Variants in SH3PXD2B observed in about 807,000 individuals in gnomAD.
SH3PXD2B encodes the protein SH3 and PX domains 2B.
In SH3PXD2B, 37 loss-of-function variants were observed where a neutral mutation model predicts 73.1. The observed-to-expected ratio is 0.51, with a 90% confidence interval of 0.39 to 0.67. The LOEUF (loss-of-function observed/expected upper bound fraction) is 0.67. Among genes scored for constraint, SH3PXD2B ranks in the 30% least tolerant of loss-of-function variants. SH3PXD2B has a pLI of 0.00. For missense variants in SH3PXD2B, 1,053 were observed against 1,197.8 expected (o/e 0.88, Z 1.78); for synonymous variants, 457 against 480.5 (o/e 0.95, Z 0.64).
downstream of SH3PXD2B, among the ~76,000 whole-genome samples, chr5:172,328,935 C>T (rs73805014): frequency 5.5e-4 from 83 of 151,544 alleles, no homozygotes; most frequent in African/African-American, 1.7e-3. Flanking sequence ...GAGTTTCCCA[C>T]GTAACAATAT....
intron 1 of SH3PXD2B, among the ~76,000 whole-genome samples, chr5:172,444,033 G>A (rs1759606679): frequency 6.6e-6 from 1 of 152,172 alleles, no homozygotes; most frequent in Non-Finnish European, 1.5e-5. Flanking sequence ...GTTTTTGCCT[G>A]TCCAAGCTCC....
chr5:172,403,280 A>G (rs1297833880), intron 3 of SH3PXD2B, among the ~76,000 whole-genome samples: 2 of 152,134 alleles, frequency 1.3e-5, no homozygotes, highest in African/African-American at 4.8e-5. Context: ...GGGATGGAAA[A>G]CTGTGCAGGC....
intron 2 of SH3PXD2B, among the ~76,000 whole-genome samples, chr5:172,411,322 C>T (rs535671529): frequency 6.6e-6 from 1 of 152,256 alleles, no homozygotes; most frequent in Admixed American, 6.5e-5. Context: ...TGAGTCCCTG[C>T]CACTGCTGTG....
At position 172,333,532 on chromosome 5, in the gene SH3PXD2B, T is replaced by A. The variant is rs1756610261; in HGVS notation, c.*4837A>T. On this transcript the variant is annotated 3_prime_UTR_variant, in exon 13 of 13. Coordinates refer to ENST00000311601, the MANE Select transcript of SH3PXD2B (RefSeq NM_001017995.3). ...GAAGCTTGAAACCAGTCAAGCACTT[T>A]TTTTATTTAAAAAAAAAAAAAGGAA... The A allele has an allele frequency of 7.1e-6, 8 of 1,131,114 alleles. No homozygotes were observed. Among genetic ancestry groups the A allele is most frequent in the Non-Finnish European group, 7.6e-6 (7 of 921,536 alleles). The allele number at this position is 1,131,114 out of a possible 1,614,324, so 70.1% of individuals were successfully genotyped here.
At chr5:172,427,104 T>A (rs1052175396) in intron 1 of SH3PXD2B, among the ~76,000 whole-genome samples, 14 of 152,182 alleles carry the variant, frequency 9.2e-5, no homozygotes, top group African/African-American at 3.4e-4. Flanking sequence ...AAGTGTCCAT[T>A]GATGGATGCG....
intron 2 of SH3PXD2B, among the ~76,000 whole-genome samples, chr5:172,420,390 G>A (rs979643004): frequency 1.1e-4 from 16 of 152,074 alleles, no homozygotes; most frequent in East Asian, 3.9e-4. Context: ...TTATGTAGGC[G>A]TTTCGGGAAA....
In SH3PXD2B at chr5:172,435,771, G is replaced by A. The variant is rs1354366341; in HGVS notation, c.76-13275C>T. On this transcript the variant is annotated intron_variant, in intron 1 of 12. Coordinates refer to ENST00000311601, the MANE Select transcript of SH3PXD2B (RefSeq NM_001017995.3). ...AACAGCTATAACCTTTCTGAAGTCA[G>A]AGCCCTCTCCTGGCTCTGCAAGCCT... Among the ~76,000 whole-genome samples, 4 of 152,200 alleles carry A rather than the reference G, an allele frequency of 2.6e-5. No homozygotes were observed. In the East Asian group the frequency reaches 5.8e-4, roughly 22 times the overall value.
intron 4 of SH3PXD2B, among the ~76,000 whole-genome samples, chr5:172,389,673 C>A (rs1758135949): frequency 6.6e-6 from 1 of 151,646 alleles, no homozygotes; most frequent in Non-Finnish European, 1.5e-5. Flanking sequence ...TTGCAGTGAA[C>A]CAAGGTCACC....
At chr5:172,453,089 G>T (rs1480221035) in intron 1 of SH3PXD2B, among the ~76,000 whole-genome samples, 2 of 152,090 alleles carry the variant, frequency 1.3e-5, no homozygotes, top group Non-Finnish European at 2.9e-5. Flanking sequence ...TTCACGGAAG[G>T]CATGCAGATC....
At chr5:172,365,285 C>T (rs936614938) in intron 6 of SH3PXD2B, among the ~76,000 whole-genome samples, 100 of 152,298 alleles carry the variant, frequency 6.6e-4, no homozygotes, top group Admixed American at 3.3e-3. Context: ...ACACAGCTGC[C>T]CTGCAAGCTG....
rs1482180162 is a variant in SH3PXD2B, at chr5:172,339,016, T to C, written c.2089A>G (p.Ser697Gly). 6.2e-7 allele frequency: 1 copy of C among 1,614,148 alleles called. No individual in the cohort carries two copies. Among genetic ancestry groups the C allele is most frequent in the South Asian group, 1.1e-5 (1 of 91,090 alleles). ...QAVGGQDVAF[S>G]RSFLPGEGPG... Reference sequence around the variant, plus strand: ...CCCTCTCCTGGGAGGAAGCTTCGGCTGAAGGCCACGTCTTGGCCCCCTACT... The same window carrying C: ...CCCTCTCCTGGGAGGAAGCTTCGGCCGAAGGCCACGTCTTGGCCCCCTACT... The change falls in exon 13 of 13, where the codon AGC becomes GGC. Residue 697 changes from serine (S) to glycine (G), a missense_variant. By Grantham distance (56) the Ser-to-Gly change is moderately conservative. Transcript: ENST00000311601. The surrounding 1 kb of genome is among the most constrained non-coding windows in gnomAD (Gnocchi z 6.1).
At position 172,334,164 on chromosome 5, in the gene SH3PXD2B, G is replaced by A; in HGVS notation, c.*4205C>T. On this transcript the variant is annotated 3_prime_UTR_variant, in exon 13 of 13. Coordinates refer to ENST00000311601, the MANE Select transcript of SH3PXD2B (RefSeq NM_001017995.3). ...GGAAGATGGAATGTTGAAACATGAG[G>A]AGGAGCTCGATAACTTGGCAGAATA... The A allele has an allele frequency of 9.0e-7, 1 of 1,111,926 alleles. No homozygotes were observed. The highest frequency in any genetic ancestry group is 2.2e-5 in the South Asian group (1 of 45,910). 68.9% of individuals were successfully genotyped at this position (1,111,926 alleles called of 1,614,324 possible). A position where few individuals can be genotyped will look rare whatever the true frequency, so the allele number is the denominator to read the frequency against.
At position 172,336,579 on chromosome 5, in the gene SH3PXD2B, A is replaced by G. The variant is rs923727964; in HGVS notation, c.*1790T>C. On this transcript the variant is annotated 3_prime_UTR_variant, in exon 13 of 13. Coordinates refer to ENST00000311601, the MANE Select transcript of SH3PXD2B (RefSeq NM_001017995.3). Reference sequence around the variant, plus strand: ...GCGGCAGAAGAGGGCTGTTCAAGCAAAACTTTGGCACTGCAGGTAGACACT... The same window carrying G: ...GCGGCAGAAGAGGGCTGTTCAAGCAGAACTTTGGCACTGCAGGTAGACACT... The G allele has an allele frequency of 1.4e-5, 14 of 985,954 alleles. No homozygotes were observed. In the African/African-American group the frequency reaches 2.4e-4, roughly 17 times the overall value. The allele number at this position is 985,954 out of a possible 1,614,324, so 61.1% of individuals were successfully genotyped here.
At chr5:172,451,143 G>A (rs1018630785) in intron 1 of SH3PXD2B, among the ~76,000 whole-genome samples, 7 of 152,232 alleles carry the variant, frequency 4.6e-5, no homozygotes, top group African/African-American at 1.7e-4. Flanking sequence ...ATTTCAGAGG[G>A]AGCAGGTGGC....
intron 6 of SH3PXD2B, among the ~76,000 whole-genome samples, chr5:172,372,413 G>A (rs1269149256): frequency 2.6e-5 from 4 of 152,178 alleles, no homozygotes; most frequent in Admixed American, 2.0e-4. Context: ...GAAAGCTCCC[G>A]GAGGCCTCCC....
intron 6 of SH3PXD2B, among the ~76,000 whole-genome samples, chr5:172,369,026 G>C (rs191425823): frequency 0.048 from 7,157 of 149,516 alleles, 233 homozygotes; most frequent in South Asian, 0.2. Flanking sequence ...TCCTGAGTAG[G>C]TGGGATTACA....
chr5:172,388,853 T>C (rs1056628115), intron 4 of SH3PXD2B, among the ~76,000 whole-genome samples: 3 of 152,136 alleles, frequency 2.0e-5, no homozygotes, highest in Non-Finnish European at 4.4e-5. Flanking sequence ...AGAATTGGAA[T>C]TTCAGGCTCT....
rs1209901266 is a variant in SH3PXD2B, at chr5:172,445,365, C to G, written c.75+8913G>C. Among the ~76,000 whole-genome samples the G allele has an allele frequency of 6.6e-6, 1 of 152,156 alleles. No homozygotes were observed. Among genetic ancestry groups the G allele is most frequent in the Non-Finnish European group, 1.5e-5 (1 of 68,038 alleles). On this transcript the variant is annotated intron_variant, in intron 1 of 12. Coordinates refer to ENST00000311601, the MANE Select transcript of SH3PXD2B (RefSeq NM_001017995.3). The surrounding 1 kb of genome is among the most constrained non-coding windows in gnomAD (Gnocchi z 5.2). ...CTGGGATTGCAGGCGAGAATCATCA[C>G]ACCCAGCTAATTTTGTGGATTTTTA...
At chr5:172,419,226 A>G (rs1158821828) in intron 2 of SH3PXD2B, among the ~76,000 whole-genome samples, 1 of 152,102 alleles carries the variant, frequency 6.6e-6, no homozygotes, top group Non-Finnish European at 1.5e-5. Context: ...GGAACAGGGA[A>G]CTCAGAGAAC....
Sources: gnomAD v4.1 joint callset for allele counts (sites outside exome capture counted in the v4.1 genomes callset) on GRCh38, gnomAD v4.1.1 for gene constraint, Gnocchi (gnomAD v3.1) non-coding constraint, MANE v1.5 for transcripts, NCBI Gene and HGNC (gene_info 2026-07-23, HGNC 2026-07-21) for gene names.